Variants in KLHL13 observed in about 807,000 individuals in gnomAD.
The protein encoded by KLHL13 is kelch like family member 13.
Under a neutral mutation model 37.1 loss-of-function variants are expected in KLHL13, and 10 were observed. That is an observed-to-expected ratio of 0.27 (90% CI 0.17 to 0.46). The LOEUF (loss-of-function observed/expected upper bound fraction) is 0.46. Among genes scored for constraint, KLHL13 ranks in the 20% least tolerant of loss-of-function variants. KLHL13 has a pLI of 1.00. For missense variants in KLHL13, 360 were observed against 509.3 expected, an observed-to-expected ratio of 0.71 and a Z score of 2.82; for synonymous variants, 163 against 181.2, an observed-to-expected ratio of 0.90 and a Z score of 0.81.
chrX:117,995,201 C>T (rs1196322046), intron 1 of KLHL13, among the ~76,000 whole-genome samples: 1 of 112,037 alleles, frequency 8.9e-6, no homozygotes, highest in Admixed American at 9.5e-5. Context: ...TTCTTTAAAA[C>T]TTACATTTAT....
At chrX:118,056,374 T>C (rs2054685125) in intron 1 of KLHL13, among the ~76,000 whole-genome samples, 1 of 111,331 alleles carries the variant, frequency 9.0e-6, no homozygotes, top group African/African-American at 3.3e-5. Flanking sequence ...GTTAAGATGG[T>C]AATACTCCCC....
At chrX:118,104,544 A>C (rs1358980948) in intron 1 of KLHL13, among the ~76,000 whole-genome samples, 1 of 111,880 alleles carries the variant, frequency 8.9e-6, no homozygotes, top group African/African-American at 3.3e-5. Flanking sequence ...TATACAATCA[A>C]CTTGAATTGA....
At chrX:117,948,169 C>CA (rs1933414305) in intron 1 of KLHL13, among the ~76,000 whole-genome samples, 1 of 111,280 alleles carries the variant, frequency 9.0e-6, no homozygotes, top group Non-Finnish European at 1.9e-5. Flanking sequence ...TGTTCTTAGG[C>CA]AAAAAAGTCA....
chrX:118,105,546 G>C (rs140626363), intron 1 of KLHL13, among the ~76,000 whole-genome samples: 72 of 112,840 alleles, frequency 6.4e-4, no homozygotes, highest in African/African-American at 2.2e-3. Context: ...GGCTCATAAT[G>C]AGTGCAATAA....
intron 1 of KLHL13, among the ~76,000 whole-genome samples, chrX:117,999,563 G>T (rs2053896620): frequency 9.1e-6 from 1 of 110,254 alleles, no homozygotes; most frequent in African/African-American, 3.3e-5. Context: ...AGATGGGGGA[G>T]GGATAGCATT....
In KLHL13 at chrX:117,930,661, G is replaced by A. The variant is rs1159412038; in HGVS notation, c.241-10291C>T. On this transcript the variant is annotated intron_variant, in intron 2 of 6. Transcript: ENST00000262820. Reference sequence around the variant, plus strand: ...CTGAAGTGGCCTAAAAAGGGAAAGCGGCAGACAGTCTTCCAACTTTTATCC... The same window carrying A: ...CTGAAGTGGCCTAAAAAGGGAAAGCAGCAGACAGTCTTCCAACTTTTATCC... Among the ~76,000 whole-genome samples the A allele has an allele frequency of 3.6e-5, 4 of 111,299 alleles. No individual in the cohort carries two copies. In the Admixed American group the frequency reaches 3.8e-4, roughly 11 times the overall value.
intron 1 of KLHL13, among the ~76,000 whole-genome samples, chrX:118,085,612 T>A (rs745333694): frequency 5.8e-4 from 64 of 110,280 alleles, no homozygotes; most frequent in Non-Finnish European, 8.9e-4. Flanking sequence ...GAGATTCCAG[T>A]GTCCATGATA....
At chrX:118,111,674 C>T (rs28620187) in intron 1 of KLHL13, among the ~76,000 whole-genome samples, 3,238 of 112,362 alleles carry the variant, frequency 0.029, 112 homozygotes, top group African/African-American at 0.098. Context: ...AGGTGGATCA[C>T]GAGGTCAGAA....
intron 1 of KLHL13, among the ~76,000 whole-genome samples, chrX:118,058,069 G>T (rs1286610810): frequency 1.8e-5 from 2 of 110,928 alleles, no homozygotes; most frequent in Admixed American, 9.6e-5. Flanking sequence ...TGTCAAAATA[G>T]CCAGAAGTGA....
intron 2 of KLHL13, among the ~76,000 whole-genome samples, chrX:117,922,908 A>G (rs932867540): frequency 2.7e-5 from 3 of 112,179 alleles, no homozygotes; most frequent in African/African-American, 6.5e-5. Context: ...TATATATCAT[A>G]ATCTACATTA....
intron 1 of KLHL13, among the ~76,000 whole-genome samples, chrX:117,958,207 A>G (rs191681706): frequency 5.4e-5 from 6 of 111,875 alleles, no homozygotes; most frequent in African/African-American, 1.9e-4. Context: ...CTATGGATAT[A>G]CCAAATTCCA....
At chrX:118,020,370 G>T (rs181153732) in intron 1 of KLHL13, among the ~76,000 whole-genome samples, 231 of 111,483 alleles carry the variant, frequency 2.1e-3, no homozygotes, top group South Asian at 8.7e-3. Context: ...CTGAAGTTGC[G>T]TATCAGCTTA....
At chrX:117,929,121 A>G (rs1932249866) in intron 2 of KLHL13, among the ~76,000 whole-genome samples, 1 of 112,508 alleles carries the variant, frequency 8.9e-6, no homozygotes, top group African/African-American at 3.2e-5. Flanking sequence ...ACAAGCTACT[A>G]AAGTTTTAGA....
intron 4 of KLHL13, among the ~76,000 whole-genome samples, chrX:117,915,770 C>A (rs1931306226): frequency 8.9e-6 from 1 of 112,228 alleles, no homozygotes; most frequent in Admixed American, 9.4e-5. Context: ...AGCCTAAAAT[C>A]CTCCATAACA....
chrX:118,015,821 A>C (rs2054121969), intron 1 of KLHL13, among the ~76,000 whole-genome samples: 1 of 111,439 alleles, frequency 9.0e-6, no homozygotes. Context: ...AAATAATTCC[A>C]ATGTATAAAA....
intron 1 of KLHL13, among the ~76,000 whole-genome samples, chrX:118,077,811 T>C (rs757406526): frequency 1.6e-3 from 173 of 111,321 alleles, no homozygotes; most frequent in Middle Eastern, 4.6e-3. Context: ...ATTGTATTCA[T>C]AGTCATAGGG....
At chrX:118,022,373 T>C (rs1050233195) in intron 1 of KLHL13, among the ~76,000 whole-genome samples, 2 of 111,898 alleles carry the variant, frequency 1.8e-5, no homozygotes, top group Non-Finnish European at 3.8e-5. Flanking sequence ...GATTACTGGG[T>C]CATATGGTAG....
intron 2 of KLHL13, among the ~76,000 whole-genome samples, chrX:117,929,488 A>C (rs1162990694): frequency 9.0e-6 from 1 of 111,574 alleles, no homozygotes; most frequent in African/African-American, 3.3e-5. Context: ...CCAAGTGAAG[A>C]GTTTATAACT....
chrX:118,037,632 A>G (rs1219151871), intron 1 of KLHL13, among the ~76,000 whole-genome samples: 1 of 111,010 alleles, frequency 9.0e-6, no homozygotes. Context: ...ATTGGGAGAT[A>G]CACCTAATGC....
Sources: gnomAD v4.1 joint callset for allele counts (sites outside exome capture counted in the v4.1 genomes callset) on GRCh38, gnomAD v4.1.1 for gene constraint, MANE v1.5 for transcripts, NCBI Gene and HGNC (gene_info 2026-07-23, HGNC 2026-07-21) for gene names.